RAB38: variants seen among roughly 807,000 people sequenced by gnomAD.
RAB38 encodes ras-related protein Rab-38.
In RAB38, 15 loss-of-function variants were observed where a neutral mutation model predicts 18.4. The observed-to-expected ratio is 0.82, with a 90% CI of 0.55 to 1.26. RAB38 has a LOEUF of 1.26. Among genes scored for constraint, RAB38 ranks in the 50% most tolerant of loss-of-function variants. The pLI is 0.00. For synonymous variants in RAB38, 101 were observed against 104.4 expected (o/e 0.97, Z 0.20); for missense variants, 294 against 267.4 (o/e 1.10, Z -0.69).
chr11:87,947,510 T>C, the RAB38 span, among the ~76,000 whole-genome samples: 3 of 152,332 alleles, frequency 2.0e-5, no homozygotes, highest in Non-Finnish European at 2.9e-5. Context: ...TCTAGGGTTT[T>C]TATGGTTTCA....
At chr11:87,857,072 T>C in the RAB38 span, among the ~76,000 whole-genome samples, 1 of 152,060 alleles carries the variant, frequency 6.6e-6, no homozygotes, top group African/African-American at 2.4e-5. Context: ...GTCCAAGTGT[T>C]CTCATTGTTC....
chr11:87,931,813 G>A, the RAB38 span, among the ~76,000 whole-genome samples: 2 of 151,998 alleles, frequency 1.3e-5, no homozygotes, highest in African/African-American at 4.8e-5. Flanking sequence ...GTGTGTTTAA[G>A]TGTGGACAAG....
At chr11:88,159,023 G>T (rs1410004741) in intron 1 of RAB38, among the ~76,000 whole-genome samples, 1 of 151,828 alleles carries the variant, frequency 6.6e-6, no homozygotes, top group East Asian at 1.9e-4. Context: ...AAGCCCTAAT[G>T]ACTACGAGAA....
intron 1 of RAB38, among the ~76,000 whole-genome samples, chr11:88,160,369 C>T (rs1247909302): frequency 6.6e-6 from 1 of 152,114 alleles, no homozygotes; most frequent in Admixed American, 6.6e-5. Context: ...AATGCATATA[C>T]ACTTTTAGTG....
the RAB38 span, among the ~76,000 whole-genome samples, chr11:87,897,741 G>A: frequency 1.3e-5 from 2 of 151,758 alleles, no homozygotes; most frequent in Admixed American, 6.6e-5. Context: ...CAGGATAAAT[G>A]AGATGAATAG....
chr11:87,875,540 A>C, the RAB38 span, among the ~76,000 whole-genome samples: 15,490 of 151,542 alleles, frequency 0.1, 1,141 homozygotes, highest in African/African-American at 0.2. Context: ...ATTCAGACTT[A>C]GTGAAATCTA....
chr11:88,149,189 C>T (rs1301671005), intron 2 of RAB38, among the ~76,000 whole-genome samples: 4 of 152,208 alleles, frequency 2.6e-5, no homozygotes, highest in Admixed American at 6.5e-5. Flanking sequence ...TTCTCTGTTA[C>T]CCCACTATTC....
intron 1 of RAB38, among the ~76,000 whole-genome samples, chr11:88,156,328 C>T (rs1943124675): frequency 6.6e-6 from 1 of 152,208 alleles, no homozygotes; most frequent in African/African-American, 2.4e-5. Flanking sequence ...TAACAGTGGA[C>T]ATCTCAGCAG....
chr11:88,162,369 C>T (rs964328324), intron 1 of RAB38, among the ~76,000 whole-genome samples: 2 of 152,226 alleles, frequency 1.3e-5, no homozygotes, highest in East Asian at 1.9e-4. Flanking sequence ...ATTTCTGCAG[C>T]CCCTGTGACA....
chr11:87,903,659 A>G, the RAB38 span, among the ~76,000 whole-genome samples: 1 of 149,718 alleles, frequency 6.7e-6, no homozygotes, highest in African/African-American at 2.4e-5. Flanking sequence ...ATTGTTTGTT[A>G]GCATTCTCCA....
At chr11:87,821,728 G>A in the RAB38 span, among the ~76,000 whole-genome samples, 1 of 151,782 alleles carries the variant, frequency 6.6e-6, no homozygotes, top group Non-Finnish European at 1.5e-5. Context: ...GTGGGTACCT[G>A]TAATCTCAGC....
intron 2 of RAB38, among the ~76,000 whole-genome samples, chr11:88,128,394 A>G (rs1272497410): frequency 1.3e-5 from 2 of 152,194 alleles, no homozygotes; most frequent in Non-Finnish European, 2.9e-5. Context: ...AATATAAGGC[A>G]TTTGTTAAGC....
rs1942502411 is a variant in RAB38, at chr11:88,113,558, T to C, written c.*430A>G. ...CTTGGGAGAAAATATCACATCTACT[T>C]AATAGGCCTGTCAGGCCATCAGAGA... On this transcript the variant is annotated 3_prime_UTR_variant, in exon 3 of 3. Transcript: ENST00000243662. The C allele has an allele frequency of 5.8e-6, 1 of 171,370 alleles. No individual in the cohort carries two copies. Among genetic ancestry groups the C allele is most frequent in the Admixed American group, 5.7e-5 (1 of 17,670 alleles). 10.6% of individuals were successfully genotyped at this position (171,370 alleles called of 1,614,324 possible).
chr11:88,035,337 A>C, the RAB38 span, among the ~76,000 whole-genome samples: 2 of 152,214 alleles, frequency 1.3e-5, no homozygotes, highest in South Asian at 4.1e-4. Flanking sequence ...ATGTGTTTTT[A>C]TTCTCTAACA....
chr11:87,811,596 T>C, the RAB38 span, among the ~76,000 whole-genome samples: 3 of 152,282 alleles, frequency 2.0e-5, no homozygotes, highest in Non-Finnish European at 4.4e-5. Context: ...TGCTGTAGAA[T>C]CTTTCAGGGG....
chr11:87,936,902 T>C, the RAB38 span, among the ~76,000 whole-genome samples: 1 of 152,238 alleles, frequency 6.6e-6, no homozygotes, highest in South Asian at 2.1e-4. Flanking sequence ...TGGTAATTTC[T>C]ATGTATACAA....
chr11:88,065,151 T>G, the RAB38 span, among the ~76,000 whole-genome samples: 1 of 152,196 alleles, frequency 6.6e-6, no homozygotes, highest in Non-Finnish European at 1.5e-5. Context: ...AAGCTTGGTG[T>G]TCATCTTCTA....
At chr11:88,134,893 C>A (rs1371335267) in intron 2 of RAB38, among the ~76,000 whole-genome samples, 2 of 152,160 alleles carry the variant, frequency 1.3e-5, no homozygotes, top group African/African-American at 4.8e-5. Flanking sequence ...AAAAACTCAA[C>A]AGGACATCAC....
At chr11:87,879,188 A>G in the RAB38 span, among the ~76,000 whole-genome samples, 1 of 151,602 alleles carries the variant, frequency 6.6e-6, no homozygotes, top group African/African-American at 2.4e-5. Context: ...AATTACCAAA[A>G]CAATAAATGG....
Sources: allele counts gnomAD v4.1 joint callset (sites outside exome capture counted in the v4.1 genomes callset), GRCh38; gene constraint gnomAD v4.1.1; transcripts MANE v1.5; gene names NCBI Gene and HGNC (gene_info 2026-07-23, HGNC 2026-07-21).